Variants in SYN3 observed in about 807,000 individuals in gnomAD.
SYN3 encodes the protein synapsin III.
SYN3 carries 35 observed loss-of-function variants against 65.8 expected under a neutral mutation model. That is an observed-to-expected ratio of 0.53 (90% CI 0.41 to 0.70). The LOEUF (loss-of-function observed/expected upper bound fraction) is 0.70. Ranked by LOEUF, SYN3 falls within the 30% of genes least tolerant of loss-of-function variation. The probability of loss-of-function intolerance (pLI) is 0.00; values close to 1 mark genes in which losing one functional copy is unlikely to be tolerated. For synonymous variants in SYN3, 270 were observed against 292.9 expected, an observed-to-expected ratio of 0.92 and a Z score of 0.80; for missense variants, 680 against 749.0, an observed-to-expected ratio of 0.91 and a Z score of 1.08.
intron 6 of SYN3, among the ~76,000 whole-genome samples, chr22:32,643,707 T>G (rs2059940215): frequency 6.6e-6 from 1 of 152,074 alleles, no homozygotes; most frequent in African/African-American, 2.4e-5. Flanking sequence ...GAATTTGACC[T>G]TGAGTTTAGC....
chr22:33,000,228 C>T (rs2053017931), intron 2 of SYN3, among the ~76,000 whole-genome samples: 1 of 152,080 alleles, frequency 6.6e-6, no homozygotes, highest in Non-Finnish European at 1.5e-5. Flanking sequence ...TGCTGATTGT[C>T]CCCCACCATC....
At chr22:33,009,391 T>C (rs372165904) in intron 1 of SYN3, among the ~76,000 whole-genome samples, 25 of 152,342 alleles carry the variant, frequency 1.6e-4, no homozygotes, top group African/African-American at 5.5e-4. Flanking sequence ...GTTTCATGGG[T>C]TTACTGGCCA....
chr22:32,731,553 G>T (rs1460974853), intron 6 of SYN3, among the ~76,000 whole-genome samples: 1 of 152,122 alleles, frequency 6.6e-6, no homozygotes, highest in Non-Finnish European at 1.5e-5. Flanking sequence ...CTCTTGGCTT[G>T]GCCAGCAGTG....
chr22:32,763,001 A>G (rs1287097630), intron 6 of SYN3, among the ~76,000 whole-genome samples: 6 of 152,232 alleles, frequency 3.9e-5, no homozygotes. Context: ...CAATAGCTAC[A>G]ATAACAACAA....
At chr22:32,983,654 C>T (rs1390597252) in intron 2 of SYN3, among the ~76,000 whole-genome samples, 1 of 151,992 alleles carries the variant, frequency 6.6e-6, no homozygotes, top group Non-Finnish European at 1.5e-5. Flanking sequence ...CAAATAAATA[C>T]CCATGTGGAC....
intron 6 of SYN3, among the ~76,000 whole-genome samples, chr22:32,770,351 C>G (rs2045735892): frequency 6.6e-6 from 1 of 152,146 alleles, no homozygotes; most frequent in Non-Finnish European, 1.5e-5. Flanking sequence ...GCTCAATGCT[C>G]TGCAATGACT....
At chr22:32,550,896 C>A (rs1038658164) in intron 7 of SYN3, among the ~76,000 whole-genome samples, 1 of 152,096 alleles carries the variant, frequency 6.6e-6, no homozygotes, top group Non-Finnish European at 1.5e-5. Context: ...ACACATAAAT[C>A]AACTCAAAAG....
At chr22:32,710,111 A>ATATG (rs71320949) in intron 6 of SYN3, among the ~76,000 whole-genome samples, 22,114 of 135,068 alleles carry the variant, frequency 0.16, 2,722 homozygotes, top group East Asian at 0.56. Flanking sequence ...GTGTGTGTGT[A>ATATG]TGTGTGTGTG....
intron 4 of SYN3, among the ~76,000 whole-genome samples, chr22:32,895,824 A>C (rs999405526): frequency 6.6e-6 from 1 of 152,184 alleles, no homozygotes; most frequent in African/African-American, 2.4e-5. Flanking sequence ...GTAGAGCTTA[A>C]GAGTAGGAAC....
chr22:33,055,882 C>T (rs563103136), intron 1 of SYN3, among the ~76,000 whole-genome samples: 1 of 152,240 alleles, frequency 6.6e-6, no homozygotes, highest in Non-Finnish European at 1.5e-5. Context: ...AGCGCCTACT[C>T]CTTAAGAGAC....
intron 6 of SYN3, among the ~76,000 whole-genome samples, chr22:32,805,195 G>C (rs948767133): frequency 1.3e-5 from 2 of 152,118 alleles, no homozygotes; most frequent in African/African-American, 4.8e-5. Flanking sequence ...TGTGTTCGGG[G>C]CCTGCCTCTG....
At chr22:33,048,587 C>A (rs1391108591) in intron 1 of SYN3, among the ~76,000 whole-genome samples, 1 of 152,026 alleles carries the variant, frequency 6.6e-6, no homozygotes, top group African/African-American at 2.4e-5. Flanking sequence ...GGCACGTACT[C>A]CTCTCTCTGT....
At chr22:32,562,244 G>A (rs774108984) in intron 7 of SYN3, among the ~76,000 whole-genome samples, 6 of 152,314 alleles carry the variant, frequency 3.9e-5, no homozygotes, top group East Asian at 1.9e-4. Context: ...AAAAGTTGCC[G>A]AAACGTCTCC....
chr22:32,923,115 A>G (rs1469946275), intron 4 of SYN3, among the ~76,000 whole-genome samples: 10 of 152,194 alleles, frequency 6.6e-5, no homozygotes. Context: ...TGAAGGCTTG[A>G]GAACCAGGAG....
At chr22:32,735,072 A>T (rs1465253332) in intron 6 of SYN3, among the ~76,000 whole-genome samples, 1 of 152,184 alleles carries the variant, frequency 6.6e-6, no homozygotes, top group African/African-American at 2.4e-5. Flanking sequence ...GTTACACTCC[A>T]TCTGCCTCCA....
At chr22:32,790,044 G>A (rs1057294703) in intron 6 of SYN3, among the ~76,000 whole-genome samples, 6 of 152,208 alleles carry the variant, frequency 3.9e-5, no homozygotes, top group Non-Finnish European at 7.3e-5. Flanking sequence ...TATCACAGAC[G>A]AGAATACGGA....
intron 8 of SYN3, among the ~76,000 whole-genome samples, chr22:32,540,341 C>T (rs2058234861): frequency 6.6e-6 from 1 of 152,226 alleles, no homozygotes; most frequent in Non-Finnish European, 1.5e-5. Context: ...CCAACCCTAG[C>T]TTAAAGCACA....
intron 7 of SYN3, among the ~76,000 whole-genome samples, chr22:32,571,217 C>A (rs571132844): frequency 5.9e-5 from 9 of 152,254 alleles, no homozygotes; most frequent in African/African-American, 2.2e-4. Flanking sequence ...AGCATCCCCC[C>A]TCCCCTTCTC....
intron 1 of SYN3, among the ~76,000 whole-genome samples, chr22:33,012,606 C>T (rs1362835860): frequency 6.6e-6 from 1 of 152,228 alleles, no homozygotes; most frequent in Non-Finnish European, 1.5e-5. Flanking sequence ...CTATGCTCAA[C>T]AACTGTGGGC....
Sources: allele counts gnomAD v4.1 joint callset (sites outside exome capture counted in the v4.1 genomes callset), GRCh38; gene constraint gnomAD v4.1.1; transcripts MANE v1.5; gene names NCBI Gene and HGNC (gene_info 2026-07-23, HGNC 2026-07-21).